The following PIGQ variants were observed in gnomAD, a reference collection of about 807,000 sequenced individuals.
PIGQ encodes phosphatidylinositol N-acetylglucosaminyltransferase subunit Q.
In PIGQ, 54 loss-of-function variants were observed where a neutral mutation model predicts 60.3. The ratio of observed to expected loss-of-function variants is 0.90; its 90% CI spans 0.72 to 1.12. The LOEUF is 1.12. Among genes scored for constraint, PIGQ ranks in the 50% most tolerant of loss-of-function variants. The pLI is 0.00. For missense variants in PIGQ, 799 were observed against 793.5 expected, an observed-to-expected ratio of 1.01 and a Z score of -0.08; for synonymous variants, 416 against 363.7, an observed-to-expected ratio of 1.14 and a Z score of -1.64.
At position 574,752 on chromosome 16, in the gene PIGQ, C is replaced by T; in HGVS notation, c.678C>T (p.Val226=). The T allele has an allele frequency of 1.9e-6, 3 of 1,569,884 alleles. No homozygotes were observed. Among genetic ancestry groups the T allele is most frequent in the Non-Finnish European group, 2.6e-6 (3 of 1,162,590 alleles). The stretch of plus-strand genomic sequence containing the variant: ...GCCTGCTGTCGCTGGTCTCAGCTGT[C>T]AGTGCCTGCCGGTAGGTGTCCCGGG... ...LASLLSLVSA[V]SACRVFKLWP... The change falls in exon 2 of 11, where the codon GTC becomes GTT. Residue 226 remains valine, a synonymous_variant. Transcript: ENST00000321878.
chr16:571,862 G>C (rs1436943495), intron 1 of PIGQ, among the ~76,000 whole-genome samples: 1 of 150,902 alleles, frequency 6.6e-6, no homozygotes, highest in East Asian at 2.0e-4. Context: ...AGTAGCTTCT[G>C]CCCTCCCATC....
chr16:571,087 G>C (rs370016181), intron 1 of PIGQ, among the ~76,000 whole-genome samples: 25 of 33,688 alleles, frequency 7.4e-4, no homozygotes, highest in South Asian at 2.3e-3. Context: ...GTGTGTGTGT[G>C]TGTGTGTGTG....
chr16:582,193 A>G lies in PIGQ; in HGVS notation c.1532-55A>G, dbSNP rs762963340. The G allele has an allele frequency of 3.9e-6, 5 of 1,285,198 alleles. No homozygotes were observed. The East Asian group carries it at 1.3e-4, about 32-fold the overall frequency. 79.6% of individuals were successfully genotyped at this position (1,285,198 alleles called of 1,614,324 possible). ...AGGAAGGTACCTGCAGCCTCTGCTC[A>G]TGTGTGGGGCCAGCCCCCACGCGTC... On this transcript the variant is annotated intron_variant, in intron 9 of 10. Transcript: ENST00000321878.
intron 1 of PIGQ, chr16:572,558 C>A (rs560327496): frequency 2.2e-6 from 1 of 451,364 alleles, no homozygotes; most frequent in East Asian, 7.0e-5. Flanking sequence ...TCTGTTCCCT[C>A]GTCCCTAAGG....
intron 9 of PIGQ, chr16:582,031 C>T (rs753188288): frequency 4.7e-6 from 3 of 634,584 alleles, no homozygotes; most frequent in African/African-American, 3.6e-5. Context: ...GCTGGGATTA[C>T]AGGCGTGAGC....
In PIGQ at chr16:576,186, C is replaced by G. The variant is rs150145867; in HGVS notation, c.874C>G (p.Leu292Val). 3.5e-5 allele frequency: 55 copies of G among 1,549,764 alleles called. No individual in the cohort carries two copies. Among genetic ancestry groups the G allele is most frequent in the Non-Finnish European group, 7.0e-6 (8 of 1,147,012 alleles). ...VLLDVALGLM[L>V]LSWLHGRSRI... is the part of the protein sequence containing the mutation. ...GCTGGACGTGGCCCTGGGCCTCATGCTGCTGTCCTGGCTCCACGGGAGAAG... is the reference window on the plus strand; with the variant it reads ...GCTGGACGTGGCCCTGGGCCTCATGGTGCTGTCCTGGCTCCACGGGAGAAG... The change falls in exon 4 of 11, where the codon CTG (leucine) becomes GTG (valine). Residue 292 changes from leucine to valine, a missense_variant. Leu to Val is a conservative substitution (Grantham distance 32). Transcript: ENST00000321878.
chr16:574,105 T>C lies in PIGQ; in HGVS notation c.31T>C (p.Cys11Arg). Residue 11 changes from cysteine (C) to arginine (R), a missense_variant, in exon 2 of 11, where the codon TGC (cysteine) becomes CGC (arginine). Transcript: ENST00000321878. MVLKAFFPTC[C>R]VSTDSGLLVG... ...GCTCAAGGCCTTCTTCCCCACGTGCTGCGTCTCGACGGACAGCGGGCTGCT... is the reference window on the plus strand; with the variant it reads ...GCTCAAGGCCTTCTTCCCCACGTGCCGCGTCTCGACGGACAGCGGGCTGCT... 6.2e-7 allele frequency: 1 copy of C among 1,608,930 alleles called. No individual in the cohort carries two copies. The highest frequency in any genetic ancestry group is 8.5e-7 in the Non-Finnish European group (1 of 1,178,574).
chr16:579,043 G>A (rs768121886), intron 6 of PIGQ, 26 bp from the exon 7 acceptor site: 10 of 1,591,140 alleles, frequency 6.3e-6, no homozygotes, highest in South Asian at 2.2e-5. Context: ...GGGCGGGGCC[G>A]GGCCCGACAG....
At chr16:572,705 C>G in intron 1 of PIGQ, 1 of 456,100 alleles carries the variant, frequency 2.2e-6, no homozygotes. Context: ...GACCTCCAGG[C>G]GTCCCGCTCT....
At chr16:578,686 G>A in intron 5 of PIGQ, 99 bp from the exon 6 acceptor site, 2 of 1,492,024 alleles carry the variant, frequency 1.3e-6, no homozygotes, top group Non-Finnish European at 1.8e-6. Flanking sequence ...ACCCCACCCT[G>A]CCAGGCTACA....
intron 9 of PIGQ, 139 bp from the exon 10 acceptor site, chr16:582,105 CGGAG>C (rs1283169323): frequency 5.6e-6 from 4 of 710,682 alleles, no homozygotes; most frequent in African/African-American, 1.7e-5. Context: ...AGTTGGGCGA[CGGAG>C]GGGGCGGGGA....
At chr16:582,803 A>T (rs1409748706) in intron 10 of PIGQ, 80 bp from the exon 11 acceptor site, 1 of 1,447,400 alleles carries the variant, frequency 6.9e-7, no homozygotes, top group African/African-American at 1.4e-5. Flanking sequence ...CCTGCCTCAC[A>T]ACTGCCCGCC....
chr16:580,231 A>G lies in PIGQ; in HGVS notation c.1384A>G (p.Thr462Ala). The stretch of plus-strand genomic sequence containing the variant: ...CACCATCCTGCTCTTCCTCCTGCCT[A>G]CCACAGCCCTGTACTACCTGGTGTT... ...LFTILLFLLP[T>A]TALYYLVFTL... Residue 462 changes from threonine to alanine, a missense_variant, in exon 8 of 11, where the codon ACC (threonine) becomes GCC (alanine). Physicochemically the swap from Thr to Ala is moderately conservative, Grantham distance 58. Transcript: ENST00000321878. 6.2e-7 allele frequency: 1 copy of G among 1,612,652 alleles called. No homozygotes were observed. The highest frequency in any genetic ancestry group is 8.5e-7 in the Non-Finnish European group (1 of 1,179,252).
At chr16:579,532 G>T (rs545784064) in intron 7 of PIGQ, 45 of 42,730 alleles carry the variant, frequency 1.1e-3, no homozygotes, top group Middle Eastern at 0.017. Context: ...GACTAGAGGT[G>T]CCCCGGGCCC....
At position 583,285 on chromosome 16, in the gene PIGQ, G is replaced by A. The variant is rs1400575667; in HGVS notation, c.*250G>A. On this transcript the variant is annotated 3_prime_UTR_variant, in exon 11 of 11. Transcript: ENST00000321878. The stretch of plus-strand genomic sequence containing the variant: ...CTGCCTTGGGACCCGCTTCCCACCT[G>A]CTGCGGTCACCATGGTGGCGAGCAC... 1.9e-6 allele frequency: 3 copies of A among 1,612,912 alleles called. No homozygotes were observed. The highest frequency in any genetic ancestry group is 2.5e-6 in the Non-Finnish European group (3 of 1,179,970).
chr16:574,112 C>T lies in PIGQ; in HGVS notation c.38C>T (p.Ser13Leu), dbSNP rs755870667. 2.6e-5 allele frequency: 42 copies of T among 1,609,998 alleles called. No individual in the cohort carries two copies. The highest frequency in any genetic ancestry group is 3.1e-5 in the Non-Finnish European group (37 of 1,179,110). The change falls in exon 2 of 11, where the codon TCG becomes TTG. Residue 13 changes from serine to leucine, a missense_variant. By Grantham distance (145) the Ser-to-Leu change is moderately radical (BLOSUM62 -2). Transcript: ENST00000321878. ...GCCTTCTTCCCCACGTGCTGCGTCT[C>T]GACGGACAGCGGGCTGCTGGTGGGA... is the stretch of plus-strand genomic sequence containing the variant. ...LKAFFPTCCV[S>L]TDSGLLVGRW...
At position 580,990 on chromosome 16, in the gene PIGQ, G is replaced by C; in HGVS notation, c.1531+18G>C. The C allele has an allele frequency of 2.0e-6, 3 of 1,519,454 alleles. No homozygotes were observed. The highest frequency in any genetic ancestry group is 2.7e-6 in the Non-Finnish European group (3 of 1,095,378). 94.1% of individuals were successfully genotyped at this position (1,519,454 alleles called of 1,614,324 possible). A position where few individuals can be genotyped will look rare whatever the true frequency, so the allele number is the denominator to read the frequency against. ...GCTGGCGGGTAAGTGCTGCGTATTG[G>C]GCAGCTGGCCCTGGGTAGGTGGAGG... On this transcript the variant is annotated intron_variant, in intron 9 of 10. Coordinates refer to ENST00000321878, the MANE Select transcript of PIGQ (RefSeq NM_004204.5).
At chr16:578,754 C>G (rs778781186) in intron 5 of PIGQ, 31 bp from the exon 6 acceptor site, 3 of 1,605,986 alleles carry the variant, frequency 1.9e-6, no homozygotes, top group Admixed American at 3.3e-5. Context: ...GGGGTCTGAG[C>G]GCCTCCTGAG....
chr16:574,034 C>G (rs1229692014), intron 1 of PIGQ, 32 bp from the exon 2 acceptor site: 1 of 1,489,436 alleles, frequency 6.7e-7, no homozygotes, highest in East Asian at 2.3e-5. Flanking sequence ...GCAGCAGCAG[C>G]TCTGAGCCGA....
Sources: allele counts gnomAD v4.1 joint callset (sites outside exome capture counted in the v4.1 genomes callset), GRCh38; gene constraint gnomAD v4.1.1; transcripts MANE v1.5; gene names NCBI Gene and HGNC (gene_info 2026-07-23, HGNC 2026-07-21).